The following ZNRF3 variants were observed in gnomAD, a reference collection of about 807,000 sequenced individuals.
ZNRF3 encodes the protein zinc and ring finger 3.
Under a neutral mutation model 72.5 loss-of-function variants are expected in ZNRF3, and 23 were observed. The observed-to-expected ratio is 0.32, with a 90% CI of 0.23 to 0.45. ZNRF3 has a LOEUF of 0.45. Among genes scored for constraint, ZNRF3 ranks in the 20% least tolerant of loss-of-function variants. The pLI, the probability that ZNRF3 is intolerant of heterozygous loss-of-function variation, is 1.00. For missense variants in ZNRF3, 1,169 were observed against 1,272.1 expected (o/e 0.92, Z 1.23); for synonymous variants, 610 against 545.3 (o/e 1.12, Z -1.65).
intron 1 of ZNRF3, among the ~76,000 whole-genome samples, chr22:28,916,830 T>A (rs2034415627): frequency 6.6e-6 from 1 of 152,154 alleles, no homozygotes; most frequent in South Asian, 2.1e-4. Flanking sequence ...GACTGATAGT[T>A]TTGACAGGCT....
chr22:29,018,165 A>C (rs1409433656), intron 2 of ZNRF3: 10 of 444,354 alleles, frequency 2.3e-5, no homozygotes, highest in Non-Finnish European at 1.4e-5. Context: ...GAATCTGAGA[A>C]GGATGAGAAG....
At chr22:28,928,937 T>G (rs1280128238) in intron 1 of ZNRF3, among the ~76,000 whole-genome samples, 2 of 152,220 alleles carry the variant, frequency 1.3e-5, no homozygotes, top group African/African-American at 4.8e-5. Flanking sequence ...CAAGGAAAGA[T>G]TTCTCTCACA....
intron 1 of ZNRF3, among the ~76,000 whole-genome samples, chr22:28,886,308 C>T (rs1045429857): frequency 1.3e-5 from 2 of 152,170 alleles, no homozygotes; most frequent in Non-Finnish European, 2.9e-5. Context: ...TGTTTTAGGG[C>T]CGCTGAGAGG....
intron 1 of ZNRF3, among the ~76,000 whole-genome samples, chr22:28,905,351 G>A (rs1016937304): frequency 6.6e-6 from 1 of 152,144 alleles, no homozygotes; most frequent in African/African-American, 2.4e-5. Flanking sequence ...TGCAGATACT[G>A]TTTTAGCTGG....
At chr22:28,887,418 G>A (rs1479108045) in intron 1 of ZNRF3, among the ~76,000 whole-genome samples, 1 of 152,150 alleles carries the variant, frequency 6.6e-6, no homozygotes, top group South Asian at 2.1e-4. Flanking sequence ...CAGAGAGAGA[G>A]AGAGAGTGCA....
chr22:28,917,295 ACACACACACG>A (rs373640600), intron 1 of ZNRF3: 3 of 170,534 alleles, frequency 1.8e-5, no homozygotes, highest in Non-Finnish European at 3.0e-5. Flanking sequence ...ACACACACAC[ACACACACACG>A]ACACTAGGTA....
intron 1 of ZNRF3, among the ~76,000 whole-genome samples, chr22:28,974,675 T>C (rs906306135): frequency 6.6e-6 from 1 of 152,166 alleles, no homozygotes; most frequent in African/African-American, 2.4e-5. Context: ...TGAGACAGAG[T>C]CTCACTCTTG....
intron 1 of ZNRF3, among the ~76,000 whole-genome samples, chr22:28,886,688 G>A (rs1053051416): frequency 6.6e-6 from 1 of 152,156 alleles, no homozygotes; most frequent in Admixed American, 6.6e-5. Context: ...GCCAGGCATG[G>A]TGACTGACGC....
chr22:28,946,575 C>A (rs770692128), intron 1 of ZNRF3, among the ~76,000 whole-genome samples: 3 of 152,150 alleles, frequency 2.0e-5, no homozygotes, highest in African/African-American at 7.2e-5. Context: ...TAAATACGGA[C>A]GAATGGCAAG....
At chr22:29,008,504 T>G (rs1340040236) in intron 2 of ZNRF3, among the ~76,000 whole-genome samples, 1 of 152,234 alleles carries the variant, frequency 6.6e-6, no homozygotes, top group Non-Finnish European at 1.5e-5. Flanking sequence ...AAGAGGGGCT[T>G]GAAGTTCTGA....
At chr22:28,908,290 A>AAC (rs1309094821) in intron 1 of ZNRF3, among the ~76,000 whole-genome samples, 1 of 152,186 alleles carries the variant, frequency 6.6e-6, no homozygotes. Flanking sequence ...AAGAACCCTC[A>AAC]ACAACCCTCT....
At chr22:28,925,326 A>C (rs564015740) in intron 1 of ZNRF3, among the ~76,000 whole-genome samples, 6 of 152,194 alleles carry the variant, frequency 3.9e-5, no homozygotes, top group Non-Finnish European at 7.3e-5. Flanking sequence ...GTGTAAAACC[A>C]GATTTCTCTT....
Position 29,050,125 on chromosome 22 carries a change from G to A in ZNRF3, c.1944G>A (p.Pro648=), listed in dbSNP as rs768823925. The change falls in exon 8 of 9, where the codon CCG becomes CCA. Residue 648 remains proline (P), a synonymous_variant. Transcript: ENST00000544604. ...SHGAGRGEPW[P]GPASPSGDQV... ...GTGCTGGGCGGGGCGAGCCTTGGCC[G>A]GGCCCTGCCTCTCCCTCGGGGGATC... is the stretch of plus-strand genomic sequence containing the variant. The A allele has an allele frequency of 6.2e-6, 10 of 1,606,508 alleles. No homozygotes were observed. Among genetic ancestry groups the A allele is most frequent in the African/African-American group, 2.7e-5 (2 of 74,898 alleles).
At chr22:28,955,042 T>G (rs5762912) in intron 1 of ZNRF3, among the ~76,000 whole-genome samples, 9,923 of 149,118 alleles carry the variant, frequency 0.067, 428 homozygotes, top group South Asian at 0.12. Context: ...GTTTTTTTTT[T>G]TTTGTTTTTT....
chr22:28,966,558 C>T (rs2035463863), intron 1 of ZNRF3, among the ~76,000 whole-genome samples: 2 of 151,976 alleles, frequency 1.3e-5, no homozygotes, highest in South Asian at 4.1e-4. Context: ...AAGACAGTGA[C>T]ATTGATGATC....
At chr22:29,020,998 G>A (rs2036528865) in intron 2 of ZNRF3, among the ~76,000 whole-genome samples, 1 of 151,966 alleles carries the variant, frequency 6.6e-6, no homozygotes, top group South Asian at 2.1e-4. Flanking sequence ...GGGTTTCACC[G>A]TGTTAGCCAG....
chr22:28,937,199 ATATATATATATATATATTTTTTTTTTT>A (rs1189829682), intron 1 of ZNRF3, among the ~76,000 whole-genome samples: 214 of 6,198 alleles, frequency 0.035, 3 homozygotes, highest in Middle Eastern at 0.17. Context: ...ATATATATAT[ATATATATATATATATATTTTTTTTTTT>A]TTTTTTTTTT....
At position 28,924,559 on chromosome 22, in the gene ZNRF3, C is replaced by T. The variant is rs140032019; in HGVS notation, c.300+40493C>T. 2.0e-4 allele frequency among the ~76,000 whole-genome samples: 31 copies of T among 152,084 alleles called. No individual in the cohort carries two copies. In the East Asian group the frequency reaches 5.8e-3, roughly 29 times the overall value. ...CAGGAGTTCAAACCAGCTGGGGCAA[C>T]ATAGTGAGACCCTGTCTCTTAAAAA... is the stretch of plus-strand genomic sequence containing the variant. On this transcript the variant is annotated intron_variant, in intron 1 of 8. Transcript: ENST00000544604.
intron 1 of ZNRF3, among the ~76,000 whole-genome samples, chr22:28,942,705 A>T (rs1036973023): frequency 6.6e-6 from 1 of 152,202 alleles, no homozygotes; most frequent in African/African-American, 2.4e-5. Flanking sequence ...TGAGGTGTCC[A>T]CTTAAGAGCT....
Sources: allele counts gnomAD v4.1 joint callset (sites outside exome capture counted in the v4.1 genomes callset), GRCh38; gene constraint gnomAD v4.1.1; transcripts MANE v1.5; gene names NCBI Gene and HGNC (gene_info 2026-07-23, HGNC 2026-07-21).